The following GOLGA6C variants were observed in gnomAD, a reference collection of about 807,000 sequenced individuals.
The protein encoded by GOLGA6C is golgin subfamily A member 6C.
A neutral mutation model predicts 57.5 loss-of-function variants in GOLGA6C; 3 were observed. That is an observed-to-expected ratio of 0.05 (90% CI 0.02 to 0.13). GOLGA6C has a LOEUF of 0.13. GOLGA6C is among the 10% of genes least tolerant of loss of function. GOLGA6C has a pLI of 1.00. For synonymous variants in GOLGA6C, 32 were observed against 203.8 expected, an observed-to-expected ratio of 0.16 and a Z score of 7.18; for missense variants, 88 against 525.6, an observed-to-expected ratio of 0.17 and a Z score of 8.14.
At chr15:75,268,985 GGCCCC>G (rs2070769988) in intron 14 of GOLGA6C, 97 bp downstream of exon 14, 1 of 553,854 alleles carries the variant, frequency 1.8e-6, no homozygotes, top group African/African-American at 2.1e-5. Flanking sequence ...TGATTTCTCT[GGCCCC>G]TCACCCCTTC....
At chr15:75,264,903 A>AAT (rs1463452909) in intron 7 of GOLGA6C, among the ~76,000 whole-genome samples, 1 of 148,850 alleles carries the variant, frequency 6.7e-6, no homozygotes, top group Non-Finnish European at 1.5e-5. Flanking sequence ...TAACAATAGC[A>AAT]ATATTATCTG....
Position 75,269,566 on chromosome 15 carries a change from G to GCCCGA in GOLGA6C, c.1696+11_1696+12insCCCGA. 1 of 1,385,856 alleles carries GCCCGA rather than the reference G, an allele frequency of 7.2e-7. No individual in the cohort carries two copies. The highest frequency in any genetic ancestry group is 1.0e-6 in the Non-Finnish European group (1 of 999,292). 85.8% of individuals were successfully genotyped at this position (1,385,856 alleles called of 1,614,324 possible). ...TGACAGACGGCATGAGTGAGCGGGA[G>GCCCGA]GCCAGGGCACGGGCACGGGGAGCTG... On this transcript the variant is annotated intron_variant, in intron 15 of 17. Transcript: ENST00000300576.
In GOLGA6C at chr15:75,270,238, C is replaced by T. The variant is rs2070783008; in HGVS notation, c.*39C>T. ...TGCCCAGCAAACCCTGCGTGCCATT[C>T]TTCTACCAGGCAGCCGAGAACAGGG... On this transcript the variant is annotated 3_prime_UTR_variant, in exon 18 of 18. Coordinates refer to ENST00000300576, the MANE Select transcript of GOLGA6C (RefSeq NM_001164404.2). 1 of 1,582,116 alleles carries T rather than the reference C, an allele frequency of 6.3e-7. No individual in the cohort carries two copies. The highest frequency in any genetic ancestry group is 8.6e-7 in the Non-Finnish European group (1 of 1,168,362).
intron 2 of GOLGA6C, among the ~76,000 whole-genome samples, chr15:75,261,811 CT>C (rs1202553749): frequency 1.2e-3 from 41 of 35,386 alleles, no homozygotes; most frequent in African/African-American, 2.9e-3. Context: ...GATTTGGGCT[CT>C]TTTTTTTTTT....
At chr15:75,260,653 C>A (rs1307115381) in intron 2 of GOLGA6C, among the ~76,000 whole-genome samples, 161 bp downstream of exon 2, 6 of 149,976 alleles carry the variant, frequency 4.0e-5, no homozygotes, top group Middle Eastern at 3.4e-3. Flanking sequence ...GCTCTTTGAG[C>A]CTCTCTTTTC....
chr15:75,273,089 T>C lies in GOLGA6C; in HGVS notation c.*2890T>C. Among the ~76,000 whole-genome samples, 1 of 152,076 alleles carries C rather than the reference T, an allele frequency of 6.6e-6. No homozygotes were observed. ...CTGATATTTAGAAAATGTGAAAATA[T>C]AAATCAGCCCTATGCATAATATAGT... On this transcript the variant is annotated 3_prime_UTR_variant, in exon 18 of 18. Coordinates refer to ENST00000300576, the MANE Select transcript of GOLGA6C (RefSeq NM_001164404.2).
At chr15:75,260,749 C>A (rs1210737335) in intron 2 of GOLGA6C, among the ~76,000 whole-genome samples, 3 of 145,770 alleles carry the variant, frequency 2.1e-5, no homozygotes, top group African/African-American at 7.7e-5. Flanking sequence ...TTCATGTTAA[C>A]CCCTAGTACG....
At position 75,273,042 on chromosome 15, in the gene GOLGA6C, C is replaced by A. The variant is rs1486533169; in HGVS notation, c.*2843C>A. Among the ~76,000 whole-genome samples the A allele has an allele frequency of 4.6e-5, 7 of 151,942 alleles. No individual in the cohort carries two copies. The highest frequency in any genetic ancestry group is 2.1e-4 in the South Asian group (1 of 4,826). On this transcript the variant is annotated 3_prime_UTR_variant, in exon 18 of 18. Transcript: ENST00000300576. Reference sequence around the variant, plus strand: ...CTGATGGGTTTTCCAGAAATGAAAACAAGTCAGTTCTAAAACCAAAGCTGA... The same window carrying A: ...CTGATGGGTTTTCCAGAAATGAAAAAAAGTCAGTTCTAAAACCAAAGCTGA...
chr15:75,266,023 A>G (rs1595971362), intron 10 of GOLGA6C, 82 bp from the exon 11 acceptor site: 1 of 1,557,200 alleles, frequency 6.4e-7, no homozygotes, highest in Admixed American at 2.3e-5. Flanking sequence ...CATCAAGAGG[A>G]GGTTTTTTTT....
intron 7 of GOLGA6C, among the ~76,000 whole-genome samples, chr15:75,264,439 G>GGTGTGTGT (rs368165570): frequency 0.097 from 11,352 of 117,134 alleles, 168 homozygotes; most frequent in Non-Finnish European, 0.14. Context: ...AGAGGAAAGG[G>GGTGTGTGT]GTGTGTGTGT....
rs1259494564 is a variant in GOLGA6C, at chr15:75,270,095, A to G, written c.1978A>G (p.Asn660Asp). The change falls in exon 18 of 18, where the codon AAC (asparagine) becomes GAC (aspartate). Residue 660 changes from asparagine to aspartate, a missense_variant. Physicochemically the swap from Asn to Asp is conservative, Grantham distance 23. Coordinates refer to ENST00000300576, the MANE Select transcript of GOLGA6C (RefSeq NM_001164404.2). ...QDDFYEVSLD[N>D]NVEPAPGAAR... Reference sequence around the variant, plus strand: ...AGATTTTTATGAAGTGAGCCTGGACAACAACGTGGAGCCTGCACCAGGAGC... The same window carrying G: ...AGATTTTTATGAAGTGAGCCTGGACGACAACGTGGAGCCTGCACCAGGAGC... 1.9e-6 allele frequency: 3 copies of G among 1,603,448 alleles called. No homozygotes were observed. Among genetic ancestry groups the G allele is most frequent in the Middle Eastern group, 2.0e-4 (1 of 5,086 alleles).
rs1311406135 is a variant in GOLGA6C at position 75,272,983 on chromosome 15, C to A, written c.*2784C>A. Among the ~76,000 whole-genome samples, 2 of 151,982 alleles carry A rather than the reference C, an allele frequency of 1.3e-5. No individual in the cohort carries two copies. Among genetic ancestry groups the A allele is most frequent in the Admixed American group, 6.6e-5 (1 of 15,264 alleles). On this transcript the variant is annotated 3_prime_UTR_variant, in exon 18 of 18. Coordinates refer to ENST00000300576, the MANE Select transcript of GOLGA6C (RefSeq NM_001164404.2). The stretch of plus-strand genomic sequence containing the variant: ...GAATTAAAAATCTATTTAAAGATTG[C>A]AATATATAATCATTTTTAAAGTATT...
intron 1 of GOLGA6C, 119 bp downstream of exon 1, chr15:75,258,801 C>T (rs2070719550): frequency 1.3e-6 from 1 of 761,508 alleles, no homozygotes; most frequent in Admixed American, 2.2e-5. Flanking sequence ...CCCCCCTACC[C>T]CGGCGCCTCT....
In GOLGA6C at chr15:75,258,790, G is replaced by A. The variant is rs553701567; in HGVS notation, c.84+108G>A. On this transcript the variant is annotated intron_variant, in intron 1 of 17. Transcript: ENST00000300576. Reference sequence around the variant, plus strand: ...CCACTCCTGAGGCACACCGGGCTGGGCCCCCCTACCCCGGCGCCTCTGGGC... The same window carrying A: ...CCACTCCTGAGGCACACCGGGCTGGACCCCCCTACCCCGGCGCCTCTGGGC... 360 of 707,526 alleles carry A rather than the reference G, an allele frequency of 5.1e-4. 2 individuals are homozygous for A. In the East Asian group the frequency reaches 9.0e-3, roughly 18 times the overall value. 43.8% of individuals were successfully genotyped at this position (707,526 alleles called of 1,614,324 possible). A position where few individuals can be genotyped will look rare whatever the true frequency, so the allele number is the denominator to read the frequency against.
rs537954980 is a variant in GOLGA6C, at chr15:75,273,095, A to G, written c.*2896A>G. On this transcript the variant is annotated 3_prime_UTR_variant, in exon 18 of 18. Coordinates refer to ENST00000300576, the MANE Select transcript of GOLGA6C (RefSeq NM_001164404.2). The stretch of plus-strand genomic sequence containing the variant: ...TTTAGAAAATGTGAAAATATAAATC[A>G]GCCCTATGCATAATATAGTTTCTCT... 3.2e-4 allele frequency among the ~76,000 whole-genome samples: 49 copies of G among 151,932 alleles called. No homozygotes were observed. Among genetic ancestry groups the G allele is most frequent in the African/African-American group, 1.1e-3 (44 of 41,202 alleles).
chr15:75,260,769 G>A (rs1481941173), intron 2 of GOLGA6C, among the ~76,000 whole-genome samples: 4 of 141,964 alleles, frequency 2.8e-5, no homozygotes, highest in African/African-American at 2.7e-5. Context: ...GTGGCCTGCT[G>A]TAAACACCCA....
rs200990875 is a variant in GOLGA6C, at chr15:75,270,205, C to T, written c.*6C>T. Reference sequence around the variant, plus strand: ...CTGTCATGCAGGACACCTAGGAGCACCCAGGCTTGCCCAGCAAACCCTGCG... The same window carrying T: ...CTGTCATGCAGGACACCTAGGAGCATCCAGGCTTGCCCAGCAAACCCTGCG... On this transcript the variant is annotated 3_prime_UTR_variant, in exon 18 of 18. Coordinates refer to ENST00000300576, the MANE Select transcript of GOLGA6C (RefSeq NM_001164404.2). 0.018 allele frequency: 28,881 copies of T among 1,589,980 alleles called. 1,526 individuals are homozygous for T. Among genetic ancestry groups the T allele is most frequent in the Non-Finnish European group, 0.021 (24,968 of 1,172,370 alleles).
chr15:75,259,242 A>G (rs2070723928), intron 1 of GOLGA6C, among the ~76,000 whole-genome samples: 1 of 144,604 alleles, frequency 6.9e-6, no homozygotes, highest in Non-Finnish European at 1.5e-5. Flanking sequence ...CCCCACCCCC[A>G]GGAGGAGTGG....
intron 1 of GOLGA6C, among the ~76,000 whole-genome samples, chr15:75,259,133 G>A (rs1253614083): frequency 2.6e-5 from 4 of 152,066 alleles, no homozygotes; most frequent in Non-Finnish European, 5.9e-5. Context: ...ACCTCCCTGG[G>A]CTCTCTGGGC....
Sources: gnomAD v4.1 joint callset for allele counts (sites outside exome capture counted in the v4.1 genomes callset) on GRCh38, gnomAD v4.1.1 for gene constraint, MANE v1.5 for transcripts, NCBI Gene and HGNC (gene_info 2026-07-23, HGNC 2026-07-21) for gene names.